GPC6: variants seen among roughly 807,000 people sequenced by gnomAD.
GPC6 encodes the protein glypican 6, also known as glypican-6.
In GPC6, 14 loss-of-function variants were observed where a neutral mutation model predicts 55.2. That is an observed-to-expected ratio of 0.25 (90% CI 0.17 to 0.40). GPC6 has a LOEUF of 0.40. Ranked by LOEUF, GPC6 falls within the 10% of genes least tolerant of loss-of-function variation. GPC6 has a pLI of 1.00. For synonymous variants in GPC6, 278 were observed against 259.6 expected, an observed-to-expected ratio of 1.07 and a Z score of -0.68; for missense variants, 641 against 708.5, an observed-to-expected ratio of 0.90 and a Z score of 1.08.
At chr13:94,288,769 ATATATTTGT>A (rs2139087886) in intron 5 of GPC6, among the ~76,000 whole-genome samples, 1 of 115,082 alleles carries the variant, frequency 8.7e-6, no homozygotes, top group South Asian at 2.5e-4. Context: ...ATAAATATAT[ATATATTTGT>A]TATATATATA....
chr13:94,140,384 G>A (rs1887330643), intron 4 of GPC6, among the ~76,000 whole-genome samples: 1 of 152,190 alleles, frequency 6.6e-6, no homozygotes, highest in South Asian at 2.1e-4. Flanking sequence ...GATAACCAAA[G>A]TTGCATATGC....
chr13:93,287,294 A>G (rs1326754296), intron 1 of GPC6, among the ~76,000 whole-genome samples: 1 of 152,216 alleles, frequency 6.6e-6, no homozygotes, highest in Non-Finnish European at 1.5e-5. Flanking sequence ...GTCGCCAATG[A>G]GAACAGAGGA....
At chr13:94,025,062 A>G (rs1882842048) in intron 3 of GPC6, among the ~76,000 whole-genome samples, 1 of 152,256 alleles carries the variant, frequency 6.6e-6, no homozygotes, top group Non-Finnish European at 1.5e-5. Context: ...AAGAGATCTC[A>G]AATTTATATC....
intron 1 of GPC6, among the ~76,000 whole-genome samples, chr13:93,266,930 T>C (rs891095276): frequency 2.0e-5 from 3 of 152,172 alleles, no homozygotes; most frequent in Non-Finnish European, 1.5e-5. Context: ...TGACTTAGAA[T>C]TCCTGCATAA....
chr13:93,995,836 A>G (rs1348468260), intron 3 of GPC6, among the ~76,000 whole-genome samples: 3 of 152,182 alleles, frequency 2.0e-5, no homozygotes, highest in African/African-American at 7.2e-5. Flanking sequence ...TGGGATTCAT[A>G]ATTCTACCCT....
chr13:93,650,160 AG>A (rs1880345744), intron 2 of GPC6, among the ~76,000 whole-genome samples: 1 of 152,164 alleles, frequency 6.6e-6, no homozygotes, highest in African/African-American at 2.4e-5. Flanking sequence ...TTTTAGGGCA[AG>A]ATCTAAGGAA....
chr13:94,201,080 C>T (rs1239260903), intron 4 of GPC6, among the ~76,000 whole-genome samples: 1 of 152,204 alleles, frequency 6.6e-6, no homozygotes, highest in East Asian at 1.9e-4. Context: ...GTCAGGGAGG[C>T]TGCATGAAGT....
At position 94,394,086 on chromosome 13, in the gene GPC6, C is replaced by A. The variant is rs149189141; in HGVS notation, c.1290-4380C>A. Among the ~76,000 whole-genome samples, 37 of 152,280 alleles carry A rather than the reference C, an allele frequency of 2.4e-4. 1 individual carries two copies. The East Asian group carries it at 6.9e-3, about 29-fold the overall frequency. On this transcript the variant is annotated intron_variant, in intron 7 of 8. Transcript: ENST00000377047. ...CCCAAATTTCCATAGGACTCTTCTA[C>A]CCTAATCGGTTCTAATGTTTGGATG...
At chr13:93,338,843 G>A (rs1880134212) in intron 1 of GPC6, among the ~76,000 whole-genome samples, 1 of 152,070 alleles carries the variant, frequency 6.6e-6, no homozygotes, top group South Asian at 2.1e-4. Flanking sequence ...GATTAACTAT[G>A]GGAATGGGCT....
intron 1 of GPC6, among the ~76,000 whole-genome samples, chr13:93,496,403 C>T (rs1880284308): frequency 1.3e-5 from 2 of 152,178 alleles, no homozygotes; most frequent in African/African-American, 4.8e-5. Flanking sequence ...CTGGCCTGCG[C>T]CCACTGTCTG....
intron 2 of GPC6, among the ~76,000 whole-genome samples, chr13:93,625,805 C>G (rs1879176724): frequency 6.6e-6 from 1 of 152,186 alleles, no homozygotes; most frequent in Non-Finnish European, 1.5e-5. Context: ...CTAGACTACT[C>G]TTTGGAGGAG....
intron 4 of GPC6, among the ~76,000 whole-genome samples, chr13:94,030,697 A>G (rs1368425451): frequency 6.6e-6 from 1 of 152,158 alleles, no homozygotes; most frequent in Non-Finnish European, 1.5e-5. Flanking sequence ...TGTTGCTGTC[A>G]GTTGCATGTA....
chr13:93,340,026 C>CTT (rs10714044), intron 1 of GPC6, among the ~76,000 whole-genome samples: 2,714 of 81,604 alleles, frequency 0.033, 491 homozygotes, highest in Middle Eastern at 0.048. Context: ...AGTTTTCTTT[C>CTT]TTTTTTTTTT....
chr13:93,683,876 T>A (rs148394368), intron 2 of GPC6, among the ~76,000 whole-genome samples: 1 of 152,066 alleles, frequency 6.6e-6, no homozygotes, highest in African/African-American at 2.4e-5. Flanking sequence ...AAGTCTAAGA[T>A]CAGGGTGTCA....
At chr13:93,817,610 G>A (rs1196710088) in intron 2 of GPC6, among the ~76,000 whole-genome samples, 1 of 152,150 alleles carries the variant, frequency 6.6e-6, no homozygotes, top group Non-Finnish European at 1.5e-5. Flanking sequence ...TGTAATCCTA[G>A]CACTCTGAGA....
intron 6 of GPC6, among the ~76,000 whole-genome samples, chr13:94,319,964 C>T (rs552216862): frequency 6.6e-6 from 1 of 152,138 alleles, no homozygotes; most frequent in South Asian, 2.1e-4. Context: ...ATTGCTTCAC[C>T]GTCTTTCACT....
intron 6 of GPC6, among the ~76,000 whole-genome samples, chr13:94,311,928 G>A (rs544941844): frequency 6.6e-6 from 1 of 152,340 alleles, no homozygotes; most frequent in South Asian, 2.1e-4. Context: ...GATAACTAAA[G>A]TGGCTTCAGT....
chr13:94,310,017 A>G (rs1215292525), intron 6 of GPC6, among the ~76,000 whole-genome samples: 1 of 152,214 alleles, frequency 6.6e-6, no homozygotes, highest in Non-Finnish European at 1.5e-5. Context: ...AGACGGTTCC[A>G]ATTCACTGGA....
At chr13:94,069,163 T>C (rs56151603) in intron 4 of GPC6, among the ~76,000 whole-genome samples, 27,845 of 152,086 alleles carry the variant, frequency 0.18, 2,743 homozygotes, top group South Asian at 0.3. Flanking sequence ...AAACCCCCAT[T>C]ATTGACTTCT....
Sources: gnomAD v4.1 joint callset for allele counts (sites outside exome capture counted in the v4.1 genomes callset) on GRCh38, gnomAD v4.1.1 for gene constraint, MANE v1.5 for transcripts, NCBI Gene and HGNC (gene_info 2026-07-23, HGNC 2026-07-21) for gene names.